TNS3: variants seen among roughly 807,000 people sequenced by gnomAD.
TNS3 encodes tensin 3.
Under a neutral mutation model 140.9 loss-of-function variants are expected in TNS3, and 45 were observed. The observed-to-expected ratio is 0.32, with a 90% CI of 0.25 to 0.41. TNS3 has a LOEUF of 0.41. Ranked by LOEUF, TNS3 falls within the 10% of genes least tolerant of loss-of-function variation. The probability of loss-of-function intolerance (pLI) is 1.00; values close to 1 mark genes in which losing one functional copy is unlikely to be tolerated. For missense variants in TNS3, 1,716 were observed against 1,906.7 expected (o/e 0.90, Z 1.86); for synonymous variants, 815 against 788.4 (o/e 1.03, Z -0.56).
At chr7:47,330,276 G>A (rs563198655) in intron 20 of TNS3, among the ~76,000 whole-genome samples, 32 of 152,138 alleles carry the variant, frequency 2.1e-4, no homozygotes, top group African/African-American at 6.3e-4. Context: ...CCCACCAGCC[G>A]GCAATGCCAG....
intron 20 of TNS3, among the ~76,000 whole-genome samples, chr7:47,307,547 AG>A (rs1340395583): frequency 1.3e-5 from 2 of 152,222 alleles, no homozygotes; most frequent in African/African-American, 4.8e-5. Context: ...GAAAATGCAA[AG>A]CTGCTTCCCA....
chr7:47,369,752 A>G, intron 16 of TNS3, 131 bp from the exon 17 acceptor site: 1 of 1,098,270 alleles, frequency 9.1e-7, no homozygotes, highest in Non-Finnish European at 1.3e-6. Context: ...AAACAAGGAC[A>G]AAGATTCCTC....
intron 20 of TNS3, among the ~76,000 whole-genome samples, chr7:47,309,371 C>A (rs574696128): frequency 9.9e-5 from 15 of 151,540 alleles, no homozygotes; most frequent in Non-Finnish European, 1.5e-5. Context: ...ATCCCCAAGA[C>A]TTAAGAGTAT....
At chr7:47,473,178 G>A (rs1201761063) in intron 4 of TNS3, among the ~76,000 whole-genome samples, 1 of 152,166 alleles carries the variant, frequency 6.6e-6, no homozygotes, top group Non-Finnish European at 1.5e-5. Flanking sequence ...TAAGATCTGG[G>A]GAATGCAGTA....
intron 3 of TNS3, among the ~76,000 whole-genome samples, chr7:47,483,432 G>T (rs1797500010): frequency 6.6e-6 from 1 of 152,198 alleles, no homozygotes; most frequent in African/African-American, 2.4e-5. Flanking sequence ...GCCTCCCAAA[G>T]TACTGGGATT....
intron 4 of TNS3, among the ~76,000 whole-genome samples, chr7:47,446,095 T>A (rs1406266317): frequency 6.6e-6 from 1 of 152,198 alleles, no homozygotes; most frequent in African/African-American, 2.4e-5. Flanking sequence ...GCAAACTCAC[T>A]CTCTAGGTGT....
chr7:47,369,694 T>A, intron 16 of TNS3, 73 bp from the exon 17 acceptor site: 2 of 1,458,022 alleles, frequency 1.4e-6, no homozygotes, highest in African/African-American at 2.8e-5. Flanking sequence ...TGAATGGGCG[T>A]GTGCATCTGT....
At chr7:47,345,470 T>A (rs767574764) in intron 18 of TNS3, among the ~76,000 whole-genome samples, 54 of 152,170 alleles carry the variant, frequency 3.5e-4, no homozygotes, top group Admixed American at 1.0e-3. Context: ...CGGGTGGAAA[T>A]ATTCTAAATA....
chr7:47,457,597 A>T (rs1003559262), intron 4 of TNS3, among the ~76,000 whole-genome samples: 10 of 152,078 alleles, frequency 6.6e-5, no homozygotes, highest in Admixed American at 6.5e-4. Context: ...AGCTATCAAA[A>T]ACCCATCACC....
In TNS3 at chr7:47,474,903, C is replaced by CA. The variant is rs1036455140; in HGVS notation, c.-76+6199dup. Among the ~76,000 whole-genome samples the CA allele has an allele frequency of 5.2e-3, 746 of 143,966 alleles. 5 individuals carry two copies. The highest frequency in any genetic ancestry group is 7.7e-3 in the Non-Finnish European group (508 of 65,582). The allele number at this position is 143,966 out of a possible 152,430, so 94.4% of individuals were successfully genotyped here. A position where few individuals can be genotyped will look rare whatever the true frequency, so the allele number is the denominator to read the frequency against. On this transcript the variant is annotated intron_variant, in intron 4 of 30. Transcript: ENST00000311160. ...CACAACACACACACCGCAACACACA[C>CA]AAAAAAAAACACCTCACACACACAG...
intron 18 of TNS3, 70 bp from the exon 19 acceptor site, chr7:47,345,108 T>A: frequency 7.7e-7 from 1 of 1,294,680 alleles, no homozygotes; most frequent in Non-Finnish European, 1.1e-6. Context: ...ACAGTTGTGG[T>A]TGTGGCTCCC....
At chr7:47,429,030 G>A (rs1359682404) in intron 8 of TNS3, among the ~76,000 whole-genome samples, 1 of 152,138 alleles carries the variant, frequency 6.6e-6, no homozygotes, top group Non-Finnish European at 1.5e-5. Context: ...GCCACAGAGT[G>A]CCACCTTCTA....
intron 20 of TNS3, among the ~76,000 whole-genome samples, chr7:47,319,559 T>C (rs564001485): frequency 1.1e-4 from 16 of 152,156 alleles, no homozygotes; most frequent in African/African-American, 3.6e-4. Context: ...AGGGGACAAA[T>C]ATCCAAACTG....
At chr7:47,530,955 CG>C (rs1799384062) in intron 1 of TNS3, among the ~76,000 whole-genome samples, 1 of 150,198 alleles carries the variant, frequency 6.7e-6, no homozygotes, top group African/African-American at 2.5e-5. Flanking sequence ...AAAACAACCA[CG>C]GGGCCAAAAG....
At chr7:47,306,505 C>T (rs140384544) in intron 20 of TNS3, among the ~76,000 whole-genome samples, 123 of 152,228 alleles carry the variant, frequency 8.1e-4, no homozygotes, top group Admixed American at 3.1e-3. Flanking sequence ...TTTGGTCACA[C>T]GTCATTTCAA....
Position 47,278,184 on chromosome 7 carries a change from G to T in TNS3, c.4230C>A (p.Ala1410=). The T allele has an allele frequency of 6.2e-7, 1 of 1,614,144 alleles. No homozygotes were observed. The highest frequency in any genetic ancestry group is 8.5e-7 in the Non-Finnish European group (1 of 1,180,026). Residue 1410 remains alanine, a synonymous_variant, in exon 31 of 31, where the codon GCC becomes GCA. Transcript: ENST00000311160. ...CAAACAGGTGGCACACATTATCCGT[G>T]GCACTGCCCTGCTTCCGGGCCACAA... ...FGFVARKQGS[A]TDNVCHLFAE...
chr7:47,369,160 G>A lies in TNS3; in HGVS notation c.1486C>T (p.Leu496=), dbSNP rs1330151372. The A allele has an allele frequency of 1.9e-6, 3 of 1,614,010 alleles. No individual in the cohort carries two copies. Among genetic ancestry groups the A allele is most frequent in the Non-Finnish European group, 1.7e-6 (2 of 1,180,044 alleles). Residue 496 remains leucine, a synonymous_variant, in exon 17 of 31, where the codon CTG becomes TTG. Coordinates refer to ENST00000311160, the MANE Select transcript of TNS3 (RefSeq NM_022748.12). The part of the protein sequence containing the change: ...DLHSVDSLGT[L]SSSEGPQSAH... The stretch of plus-strand genomic sequence containing the variant: ...GACTGAGGCCCTTCCGAGGAGGACA[G>A]GGTCCCAAGGCTGTCCACACTGTGC...
intron 3 of TNS3, among the ~76,000 whole-genome samples, chr7:47,503,274 C>T (rs1447820173): frequency 2.6e-5 from 4 of 152,120 alleles, no homozygotes; most frequent in Non-Finnish European, 4.4e-5. Flanking sequence ...TGATGCCAGG[C>T]TGCAGGTTTC....
At chr7:47,318,984 C>T (rs1283354864) in intron 20 of TNS3, among the ~76,000 whole-genome samples, 2 of 152,148 alleles carry the variant, frequency 1.3e-5, no homozygotes, top group Admixed American at 1.3e-4. Context: ...CCTTTAGAAA[C>T]GGCACATGGG....
Sources: allele counts gnomAD v4.1 joint callset (sites outside exome capture counted in the v4.1 genomes callset), GRCh38; gene constraint gnomAD v4.1.1; transcripts MANE v1.5; gene names NCBI Gene and HGNC (gene_info 2026-07-23, HGNC 2026-07-21).